DENND4C: variants seen among roughly 807,000 people sequenced by gnomAD.
The protein encoded by DENND4C is DENN domain-containing protein 4C.
In DENND4C, 108 loss-of-function variants were observed where a neutral mutation model predicts 203.0. The observed-to-expected ratio is 0.53, with a 90% confidence interval of 0.46 to 0.62. DENND4C has a LOEUF of 0.62. DENND4C is among the 20% of genes least tolerant of loss of function. The probability of loss-of-function intolerance (pLI) is 0.00; values close to 1 mark genes in which losing one functional copy is unlikely to be tolerated. For missense variants in DENND4C, 2,481 were observed against 2,301.2 expected (o/e 1.08, Z -1.60); for synonymous variants, 871 against 792.4 (o/e 1.10, Z -1.67).
In DENND4C at chr9:19,342,623, T is replaced by C; in HGVS notation, c.3005-10T>C. The C allele has an allele frequency of 6.3e-7, 1 of 1,580,018 alleles. No individual in the cohort carries two copies. Among genetic ancestry groups the C allele is most frequent in the Non-Finnish European group, 8.6e-7 (1 of 1,168,028 alleles). ...AGTAGGAATGATAACATCCAAATATTTTTTTCCAGAGGTGTGTGATGCCTC... is the reference window on the plus strand; with the variant it reads ...AGTAGGAATGATAACATCCAAATATCTTTTTCCAGAGGTGTGTGATGCCTC... On this transcript the variant is annotated splice_polypyrimidine_tract_variant and intron_variant, in intron 21 of 32. Coordinates refer to ENST00000434457, the MANE Select transcript of DENND4C (RefSeq NM_001330640.2).
intron 9 of DENND4C, among the ~76,000 whole-genome samples, chr9:19,303,350 C>T (rs1186145223): frequency 3.3e-5 from 5 of 151,988 alleles, no homozygotes; most frequent in Admixed American, 2.0e-4. Context: ...AAATGGTGGC[C>T]GAATCCTGCC....
At position 19,372,858 on chromosome 9, in the gene DENND4C, CAAAAAAAAAAAAA is replaced by C. The variant is rs368857837; in HGVS notation, c.*695_*707del. ...CTTGGGTGACAGAGTGAGACCGTCT[CAAAAAAAAAAAAA>C]AAAAAAAAAGAGAGCAACATATTTG... On this transcript the variant is annotated 3_prime_UTR_variant, in exon 33 of 33. Coordinates refer to ENST00000434457, the MANE Select transcript of DENND4C (RefSeq NM_001330640.2). 7 of 52,978 alleles carry C rather than the reference CAAAAAAAAAAAAA, an allele frequency of 1.3e-4. No homozygotes were observed. Among genetic ancestry groups the C allele is most frequent in the Non-Finnish European group, 3.0e-4 (7 of 23,458 alleles). 3.3% of individuals were successfully genotyped at this position (52,978 alleles called of 1,614,324 possible). A position where few individuals can be genotyped will look rare whatever the true frequency, so the allele number is the denominator to read the frequency against.
In DENND4C at chr9:19,350,929, T is replaced by G. The variant is rs75768183; in HGVS notation, c.4495+50T>G. On this transcript the variant is annotated intron_variant, in intron 24 of 32. Transcript: ENST00000434457. The stretch of plus-strand genomic sequence containing the variant: ...TCATTTGCTTTATAATAGTTTTTGC[T>G]TTTTTTTTTTAATTTAAGAGACGGG... 5.8e-5 allele frequency: 30 copies of G among 515,834 alleles called. No individual in the cohort carries two copies. In the Admixed American group the frequency reaches 1.4e-3, roughly 24 times the overall value. The allele number at this position is 515,834 out of a possible 1,614,324, so 32.0% of individuals were successfully genotyped here.
intron 1 of DENND4C, among the ~76,000 whole-genome samples, chr9:19,250,594 G>A (rs1194662441): frequency 2.6e-5 from 4 of 152,104 alleles, no homozygotes; most frequent in Non-Finnish European, 5.9e-5. Flanking sequence ...CTGAGACAAG[G>A]CAAGTTTCCT....
rs190252291 is a variant in DENND4C at position 19,337,556 on chromosome 9, T to G, written c.2881+724T>G. On this transcript the variant is annotated intron_variant, in intron 20 of 32. Coordinates refer to ENST00000434457, the MANE Select transcript of DENND4C (RefSeq NM_001330640.2). ...GCTTTGCTTTTTGCTCTGTGCTGTT[T>G]CTTGGTGCTGCATTTGTCCTTGGCT... 4.3e-6 allele frequency: 5 copies of G among 1,151,868 alleles called. No homozygotes were observed. In the East Asian group the frequency reaches 2.8e-4, roughly 66 times the overall value. 71.4% of individuals were successfully genotyped at this position (1,151,868 alleles called of 1,614,324 possible). A position where few individuals can be genotyped will look rare whatever the true frequency, so the allele number is the denominator to read the frequency against.
At chr9:19,315,118 C>A (rs1374463525) in intron 10 of DENND4C, among the ~76,000 whole-genome samples, 2 of 146,818 alleles carry the variant, frequency 1.4e-5, no homozygotes. Flanking sequence ...TGAGATCGTA[C>A]CACTGCACTC....
At chr9:19,273,738 T>G (rs548710230) in intron 1 of DENND4C, among the ~76,000 whole-genome samples, 1 of 151,392 alleles carries the variant, frequency 6.6e-6, no homozygotes, top group East Asian at 1.9e-4. Flanking sequence ...ACATACTGAT[T>G]AGAATGTCTA....
intron 21 of DENND4C, among the ~76,000 whole-genome samples, 165 bp downstream of exon 21, chr9:19,341,279 A>G (rs1468119818): frequency 6.6e-6 from 1 of 150,860 alleles, no homozygotes; most frequent in Non-Finnish European, 1.5e-5. Context: ...TAGTCTCTGA[A>G]GTTTTAAAAT....
intron 22 of DENND4C, among the ~76,000 whole-genome samples, chr9:19,344,750 G>A (rs1822437187): frequency 6.6e-6 from 1 of 152,096 alleles, no homozygotes; most frequent in Admixed American, 6.5e-5. Flanking sequence ...TGATCCGCCT[G>A]CCTCAGCCTC....
At chr9:19,253,084 C>G (rs1429649088) in intron 1 of DENND4C, among the ~76,000 whole-genome samples, 1 of 152,214 alleles carries the variant, frequency 6.6e-6, no homozygotes, top group Non-Finnish European at 1.5e-5. Context: ...CCTCTCTTGA[C>G]TTTTAACCTT....
intron 10 of DENND4C, among the ~76,000 whole-genome samples, chr9:19,306,439 AT>A (rs1352028642): frequency 6.6e-6 from 1 of 152,144 alleles, no homozygotes; most frequent in Non-Finnish European, 1.5e-5. Context: ...CCTTATGTAT[AT>A]TTAGATTTAC....
intron 2 of DENND4C, among the ~76,000 whole-genome samples, chr9:19,284,753 C>A (rs948506983): frequency 1.3e-5 from 2 of 151,920 alleles, no homozygotes; most frequent in African/African-American, 4.8e-5. Context: ...GATTTTTAAT[C>A]TTTACCTTGA....
At chr9:19,356,898 A>G (rs2132154820) in intron 26 of DENND4C, 74 bp from the exon 27 acceptor site, 1 of 1,369,872 alleles carries the variant, frequency 7.3e-7, no homozygotes. Context: ...CAATAAAATG[A>G]TTCTAAATAT....
chr9:19,290,014 T>A lies in DENND4C; in HGVS notation c.629-690T>A, dbSNP rs116855416. ...AGACACTTATTTTAGAATAGAGAGTTTTAGATACTGAATTTGGGCTCAAAA... is the reference window on the plus strand; with the variant it reads ...AGACACTTATTTTAGAATAGAGAGTATTAGATACTGAATTTGGGCTCAAAA... On this transcript the variant is annotated intron_variant, in intron 4 of 32. Coordinates refer to ENST00000434457, the MANE Select transcript of DENND4C (RefSeq NM_001330640.2). Among the ~76,000 whole-genome samples the A allele has an allele frequency of 4.7e-3, 715 of 152,238 alleles. 3 individuals are homozygous for A. The highest frequency in any genetic ancestry group is 7.0e-3 in the Non-Finnish European group (479 of 68,006).
chr9:19,246,602 C>T (rs1825333832), intron 1 of DENND4C, among the ~76,000 whole-genome samples: 1 of 151,184 alleles, frequency 6.6e-6, no homozygotes. Flanking sequence ...TTCTCTGCAG[C>T]GAAAATGATT....
Position 19,358,267 on chromosome 9 carries a change from G to A in DENND4C, c.5160+107G>A, listed in dbSNP as rs1825801199. The A allele has an allele frequency of 1.1e-5, 10 of 930,256 alleles. No homozygotes were observed. The highest frequency in any genetic ancestry group is 2.3e-4 in the Middle Eastern group (1 of 4,356). 57.6% of individuals were successfully genotyped at this position (930,256 alleles called of 1,614,324 possible). ...GACTTATTTTAATTACATGAAAAGT[G>A]ATAGAGTTTTTCCATAAACAAATAA... is the stretch of plus-strand genomic sequence containing the variant. On this transcript the variant is annotated intron_variant, in intron 28 of 32. Coordinates refer to ENST00000434457, the MANE Select transcript of DENND4C (RefSeq NM_001330640.2). This position sits in a 1 kb window ranked among gnomAD's most constrained non-coding sequence, Gnocchi z 4.8.
rs11310338 is a variant in DENND4C at position 19,332,517 on chromosome 9, A to AT, written c.2460+352dup. ...AGGCACATGTTACCATACCTGGCTA[A>AT]TTTTTTTTTTTTTTTTTTTGTATTT... On this transcript the variant is annotated intron_variant, in intron 17 of 32. Coordinates refer to ENST00000434457, the MANE Select transcript of DENND4C (RefSeq NM_001330640.2). Among the ~76,000 whole-genome samples the AT allele has an allele frequency of 8.3e-3, 1,076 of 130,202 alleles. 8 individuals carry two copies. The highest frequency in any genetic ancestry group is 0.011 in the Non-Finnish European group (676 of 62,148). The allele number at this position is 130,202 out of a possible 152,430, so 85.4% of individuals were successfully genotyped here.
Position 19,326,173 on chromosome 9 carries a change from A to G in DENND4C, c.2099A>G (p.Lys700Arg), listed in dbSNP as rs1456085444. The change falls in exon 15 of 33, where the codon AAG becomes AGG. Residue 700 changes from lysine (K) to arginine (R), a missense_variant. This residue lies in a region of DENND4C where 2,289 missense variants were observed against 2,113.3 expected (regional missense o/e 1.08). Coordinates refer to ENST00000434457, the MANE Select transcript of DENND4C (RefSeq NM_001330640.2). ...CCAGAGCCACCTCCTGATGATGGAA[A>G]GGACCTGTCACCAAAGTACAGGTAG... is the stretch of plus-strand genomic sequence containing the variant. ...MPPEPPPDDG[K>R]DLSPKYSYKY... The G allele has an allele frequency of 3.1e-6, 5 of 1,612,410 alleles. No individual in the cohort carries two copies. The highest frequency in any genetic ancestry group is 3.4e-5 in the Admixed American group (2 of 59,640).
At chr9:19,266,141 C>T (rs564814808) in intron 1 of DENND4C, among the ~76,000 whole-genome samples, 10 of 152,218 alleles carry the variant, frequency 6.6e-5, no homozygotes, top group South Asian at 4.2e-4. Context: ...TTTTAATGAT[C>T]GTCATTCTAA....
Sources: allele counts gnomAD v4.1 joint callset (sites outside exome capture counted in the v4.1 genomes callset), GRCh38; gene constraint gnomAD v4.1.1; regional missense constraint gnomAD v4.1.1; non-coding constraint Gnocchi (gnomAD v3.1); transcripts MANE v1.5; gene names NCBI Gene and HGNC (gene_info 2026-07-23, HGNC 2026-07-21).